SLC24A2: variants seen among roughly 807,000 people sequenced by gnomAD.
SLC24A2 encodes solute carrier family 24 member 2.
A neutral mutation model predicts 62.0 loss-of-function variants in SLC24A2; 36 were observed. The ratio of observed to expected loss-of-function variants is 0.58; its 90% CI spans 0.44 to 0.77. The LOEUF is 0.77. Ranked by LOEUF, SLC24A2 falls within the 30% of genes least tolerant of loss-of-function variation. SLC24A2 has a pLI of 0.00. For synonymous variants in SLC24A2, 358 were observed against 294.0 expected (o/e 1.22, Z -2.23); for missense variants, 846 against 817.9 (o/e 1.03, Z -0.42).
At chr9:20,175,151 G>A in the SLC24A2 span, among the ~76,000 whole-genome samples, 1 of 151,866 alleles carries the variant, frequency 6.6e-6, no homozygotes, top group Admixed American at 6.6e-5. Flanking sequence ...ATCAAACATT[G>A]TATGTTCTCA....
the SLC24A2 span, among the ~76,000 whole-genome samples, chr9:20,090,412 C>T: frequency 1.3e-5 from 2 of 152,170 alleles, no homozygotes; most frequent in Admixed American, 6.5e-5. Context: ...ACAGCCAGCA[C>T]TCAAGTGGGA....
chr9:19,565,164 G>A lies in SLC24A2; in HGVS notation c.1347+8187C>T, dbSNP rs546162164. ...AGGTATTCAATTAGGAAAAGAGGAA[G>A]TCAAATTGTCCCTGTTTGCAGATGA... On this transcript the variant is annotated intron_variant, in intron 7 of 10. Coordinates refer to ENST00000341998, the MANE Select transcript of SLC24A2 (RefSeq NM_020344.4). Among the ~76,000 whole-genome samples, 3 of 152,230 alleles carry A rather than the reference G, an allele frequency of 2.0e-5. No homozygotes were observed. In the East Asian group the frequency reaches 5.8e-4, roughly 29 times the overall value.
At chr9:19,574,958 A>G (rs552439231) in intron 6 of SLC24A2, among the ~76,000 whole-genome samples, 32 of 152,228 alleles carry the variant, frequency 2.1e-4, no homozygotes, top group Non-Finnish European at 3.8e-4. Flanking sequence ...AAACATAAGA[A>G]TGTGCTTTTT....
chr9:19,879,791 G>T, the SLC24A2 span, among the ~76,000 whole-genome samples: 1 of 152,066 alleles, frequency 6.6e-6, no homozygotes, highest in Non-Finnish European at 1.5e-5. Flanking sequence ...TTTCTTGTTT[G>T]CTTAGAGGAT....
At chr9:20,210,537 G>A in the SLC24A2 span, among the ~76,000 whole-genome samples, 1 of 149,768 alleles carries the variant, frequency 6.7e-6, no homozygotes, top group African/African-American at 2.5e-5. Context: ...GTAGTGGCGC[G>A]ATCTCGGCTC....
intron 8 of SLC24A2, among the ~76,000 whole-genome samples, chr9:19,538,655 G>C (rs202180330): frequency 3.2e-5 from 4 of 124,242 alleles, no homozygotes; most frequent in Admixed American, 1.7e-4. Context: ...GGATATTGGT[G>C]TAAAATTCTC....
chr9:20,264,529 T>A, the SLC24A2 span, among the ~76,000 whole-genome samples: 1 of 152,078 alleles, frequency 6.6e-6, no homozygotes, highest in Non-Finnish European at 1.5e-5. Context: ...GAGGTGGAGG[T>A]GAAGTATCAA....
At chr9:20,136,870 C>T in the SLC24A2 span, among the ~76,000 whole-genome samples, 1 of 152,116 alleles carries the variant, frequency 6.6e-6, no homozygotes, top group African/African-American at 2.4e-5. Flanking sequence ...CACATTTTCT[C>T]TTAATACCAC....
the SLC24A2 span, among the ~76,000 whole-genome samples, chr9:20,119,260 C>T: frequency 2.0e-5 from 3 of 152,028 alleles, no homozygotes; most frequent in South Asian, 6.3e-4. Flanking sequence ...AGCCTAGGAT[C>T]CAATTAGACT....
intron 2 of SLC24A2, among the ~76,000 whole-genome samples, chr9:19,704,106 C>T (rs1052871215): frequency 1.3e-5 from 2 of 151,848 alleles, no homozygotes; most frequent in South Asian, 2.1e-4. Flanking sequence ...GCTACTAAAA[C>T]GTGATCTGTG....
chr9:19,593,392 G>A lies in SLC24A2; in HGVS notation c.1129+3837C>T, dbSNP rs73428305. Among the ~76,000 whole-genome samples the A allele has an allele frequency of 2.7e-3, 406 of 152,258 alleles. 2 individuals carry two copies. The highest frequency in any genetic ancestry group is 9.3e-3 in the African/African-American group (387 of 41,550). Reference sequence around the variant, plus strand: ...TTTGGATTGGCTTGGGGTGGGGAGAGGAGGTTGGGTGTGGCCTCGGGAGCT... The same window carrying A: ...TTTGGATTGGCTTGGGGTGGGGAGAAGAGGTTGGGTGTGGCCTCGGGAGCT... On this transcript the variant is annotated intron_variant, in intron 5 of 10. Transcript: ENST00000341998.
chr9:20,241,340 C>G, the SLC24A2 span, among the ~76,000 whole-genome samples: 17 of 152,312 alleles, frequency 1.1e-4, no homozygotes, highest in African/African-American at 3.1e-4. Context: ...CAGTTCAATT[C>G]AGCAGGTATT....
At chr9:19,818,438 G>A in the SLC24A2 span, among the ~76,000 whole-genome samples, 8 of 152,050 alleles carry the variant, frequency 5.3e-5, no homozygotes, top group Non-Finnish European at 1.0e-4. Flanking sequence ...CGATATGATC[G>A]TTTACCCCGA....
the SLC24A2 span, among the ~76,000 whole-genome samples, chr9:19,796,195 A>G: frequency 6.6e-6 from 1 of 151,768 alleles, no homozygotes; most frequent in Admixed American, 6.6e-5. Context: ...TGGGTGCAGC[A>G]CACCAACATG....
the SLC24A2 span, among the ~76,000 whole-genome samples, chr9:20,102,682 C>A: frequency 0.24 from 34,650 of 144,356 alleles, 4,465 homozygotes; most frequent in East Asian, 0.57. Context: ...AAGACATTTC[C>A]AAAAAAAAAA....
chr9:20,301,890 C>T, the SLC24A2 span, among the ~76,000 whole-genome samples: 7 of 152,180 alleles, frequency 4.6e-5, no homozygotes, highest in Admixed American at 3.9e-4. Context: ...CCCCTCTGTA[C>T]TCTGCCTATT....
intron 2 of SLC24A2, among the ~76,000 whole-genome samples, chr9:19,625,908 G>C (rs1818022921): frequency 6.6e-6 from 1 of 151,816 alleles, no homozygotes; most frequent in African/African-American, 2.4e-5. Context: ...GCTGGTCTCA[G>C]ACTCCTGACC....
chr9:20,103,944 A>T, the SLC24A2 span, among the ~76,000 whole-genome samples: 1 of 152,160 alleles, frequency 6.6e-6, no homozygotes, highest in Admixed American at 6.5e-5. Context: ...GAAGTTAAAA[A>T]CTTTAAAAAA....
intron 2 of SLC24A2, among the ~76,000 whole-genome samples, chr9:19,665,606 C>G (rs1819229481): frequency 6.6e-6 from 1 of 151,934 alleles, no homozygotes; most frequent in Admixed American, 6.6e-5. Flanking sequence ...ATCATTTAAC[C>G]CCACAGGTTT....
Sources: allele counts gnomAD v4.1 joint callset (sites outside exome capture counted in the v4.1 genomes callset), GRCh38; gene constraint gnomAD v4.1.1; transcripts MANE v1.5; gene names NCBI Gene and HGNC (gene_info 2026-07-23, HGNC 2026-07-21).